Variants in ETV6 observed in about 807,000 individuals in gnomAD.
ETV6 encodes the protein ETS variant transcription factor 6, also known as transcription factor ETV6.
Under a neutral mutation model 51.1 loss-of-function variants are expected in ETV6, and 16 were observed. The ratio of observed to expected loss-of-function variants is 0.31; its 90% CI spans 0.21 to 0.48. The LOEUF is 0.48. ETV6 is among the 20% of genes least tolerant of loss of function. The pLI, the probability that ETV6 is intolerant of heterozygous loss-of-function variation, is 0.99. For synonymous variants in ETV6, 240 were observed against 224.1 expected, an observed-to-expected ratio of 1.07 and a Z score of -0.64; for missense variants, 458 against 594.8, an observed-to-expected ratio of 0.77 and a Z score of 2.39.
At chr12:11,704,787 G>T (rs929616537) in intron 1 of ETV6, among the ~76,000 whole-genome samples, 1 of 152,162 alleles carries the variant, frequency 6.6e-6, no homozygotes, top group Admixed American at 6.5e-5. Flanking sequence ...GTGTGTGTGT[G>T]TGTGTGTGTG....
intron 3 of ETV6, among the ~76,000 whole-genome samples, chr12:11,841,340 G>A (rs1946388185): frequency 6.6e-6 from 1 of 152,108 alleles, no homozygotes; most frequent in African/African-American, 2.4e-5. Context: ...GATCTAAAAG[G>A]CCAAAGAAGG....
At chr12:11,697,404 T>C (rs546052230) in intron 1 of ETV6, among the ~76,000 whole-genome samples, 1 of 152,328 alleles carries the variant, frequency 6.6e-6, no homozygotes, top group African/African-American at 2.4e-5. Flanking sequence ...GGGAGAAACA[T>C]ACTCCTCATC....
intron 3 of ETV6, among the ~76,000 whole-genome samples, chr12:11,849,583 T>C (rs1309453315): frequency 6.6e-6 from 1 of 152,208 alleles, no homozygotes; most frequent in Admixed American, 6.5e-5. Context: ...AAGACACATA[T>C]TCTGTGTTAC....
intron 6 of ETV6, among the ~76,000 whole-genome samples, chr12:11,885,372 A>G (rs529904498): frequency 2.8e-4 from 42 of 152,334 alleles, no homozygotes; most frequent in African/African-American, 9.6e-4. Flanking sequence ...TCCATGTGTG[A>G]GTCACTGAGA....
intron 1 of ETV6, among the ~76,000 whole-genome samples, chr12:11,741,457 G>C (rs1272512234): frequency 6.6e-6 from 1 of 152,220 alleles, no homozygotes; most frequent in Non-Finnish European, 1.5e-5. Context: ...CCTCTTCCTT[G>C]TTTTTTATTA....
At chr12:11,864,432 T>G (rs995773084) in intron 4 of ETV6, among the ~76,000 whole-genome samples, 1 of 152,262 alleles carries the variant, frequency 6.6e-6, no homozygotes, top group Non-Finnish European at 1.5e-5. Context: ...AATAAGCTTT[T>G]AAGTAAAGAG....
At chr12:11,867,461 T>G (rs1035472487) in intron 4 of ETV6, among the ~76,000 whole-genome samples, 3 of 152,234 alleles carry the variant, frequency 2.0e-5, no homozygotes, top group Non-Finnish European at 2.9e-5. Context: ...TTTATGGCAG[T>G]GGGTTATACA....
chr12:11,858,202 G>C (rs1342083967), intron 4 of ETV6, among the ~76,000 whole-genome samples: 1 of 152,156 alleles, frequency 6.6e-6, no homozygotes, highest in Non-Finnish European at 1.5e-5. Flanking sequence ...AATGCAGGTA[G>C]GTAGTTATGT....
At chr12:11,843,429 A>G (rs1310915901) in intron 3 of ETV6, among the ~76,000 whole-genome samples, 1 of 152,152 alleles carries the variant, frequency 6.6e-6, no homozygotes, top group Non-Finnish European at 1.5e-5. Context: ...CCCTTCACAA[A>G]TCACGTCACT....
intron 2 of ETV6, among the ~76,000 whole-genome samples, chr12:11,783,146 A>T (rs1242171615): frequency 6.6e-6 from 1 of 152,120 alleles, no homozygotes; most frequent in Non-Finnish European, 1.5e-5. Flanking sequence ...GGAGCAAGGG[A>T]TGGGAAGCAG....
intron 1 of ETV6, among the ~76,000 whole-genome samples, chr12:11,740,624 A>G (rs1160991646): frequency 2.0e-5 from 3 of 152,230 alleles, no homozygotes; most frequent in Non-Finnish European, 2.9e-5. Context: ...ATAGAATACT[A>G]CTAATAATAT....
intron 1 of ETV6, among the ~76,000 whole-genome samples, chr12:11,683,993 T>C (rs1864581479): frequency 6.6e-6 from 1 of 152,182 alleles, no homozygotes; most frequent in East Asian, 1.9e-4. Flanking sequence ...TGTTATAAAA[T>C]TAATTGACAA....
At chr12:11,781,135 C>T (rs1418177776) in intron 2 of ETV6, among the ~76,000 whole-genome samples, 1 of 152,210 alleles carries the variant, frequency 6.6e-6, no homozygotes, top group African/African-American at 2.4e-5. Context: ...CAATGTCCAA[C>T]TCTTAGGAAG....
chr12:11,689,876 C>T (rs192848808), intron 1 of ETV6, among the ~76,000 whole-genome samples: 5 of 143,870 alleles, frequency 3.5e-5, no homozygotes, highest in East Asian at 4.1e-4. Flanking sequence ...CCAGGGCATA[C>T]GGTCCAGACC....
intron 6 of ETV6, 122 bp downstream of exon 6, chr12:11,884,709 C>T: frequency 1.6e-6 from 2 of 1,237,680 alleles, no homozygotes; most frequent in Non-Finnish European, 2.2e-6. Flanking sequence ...TTAGTTTATT[C>T]CTTGCTGGGC....
intron 5 of ETV6, 45 bp downstream of exon 5, chr12:11,870,014 A>G: frequency 6.5e-7 from 1 of 1,546,418 alleles, no homozygotes; most frequent in East Asian, 2.2e-5. Flanking sequence ...TGGGGACCTG[A>G]CAAAGTCCCA....
chr12:11,716,335 A>C (rs1430037909), intron 1 of ETV6, among the ~76,000 whole-genome samples: 1 of 119,024 alleles, frequency 8.4e-6, no homozygotes, highest in Non-Finnish European at 1.6e-5. Flanking sequence ...CTTCTCAAAA[A>C]AAAAAAAAAA....
intron 7 of ETV6, among the ~76,000 whole-genome samples, chr12:11,887,063 T>C (rs768970829): frequency 6.6e-6 from 1 of 152,036 alleles, no homozygotes; most frequent in African/African-American, 2.4e-5. Context: ...TGGGAAGGAA[T>C]GGTAACTTAG....
intron 5 of ETV6, among the ~76,000 whole-genome samples, chr12:11,872,094 T>C (rs914516070): frequency 6.6e-6 from 1 of 152,240 alleles, no homozygotes. Flanking sequence ...AGATACCTTT[T>C]GCTTGTTTAT....
Sources: allele counts gnomAD v4.1 joint callset (sites outside exome capture counted in the v4.1 genomes callset), GRCh38; gene constraint gnomAD v4.1.1; transcripts MANE v1.5; gene names NCBI Gene and HGNC (gene_info 2026-07-23, HGNC 2026-07-21).